TRIM62: variants seen among roughly 807,000 people sequenced by gnomAD.
TRIM62 encodes E3 ubiquitin-protein ligase TRIM62.
Under a neutral mutation model 44.2 loss-of-function variants are expected in TRIM62, and 39 were observed. The observed-to-expected ratio is 0.88, with a 90% CI of 0.68 to 1.15. The LOEUF (loss-of-function observed/expected upper bound fraction) is 1.15, where lower values mean the gene tolerates loss of function less well. Ranked by LOEUF, TRIM62 falls within the 50% of genes most tolerant of loss-of-function variation. The pLI is 0.00. For missense variants in TRIM62, 544 were observed against 665.5 expected, an observed-to-expected ratio of 0.82 and a Z score of 2.01; for synonymous variants, 278 against 292.3, an observed-to-expected ratio of 0.95 and a Z score of 0.50.
intron 4 of TRIM62, among the ~76,000 whole-genome samples, chr1:33,152,716 G>T (rs1645118739): frequency 6.6e-6 from 1 of 152,198 alleles, no homozygotes; most frequent in Admixed American, 6.5e-5. Context: ...TACCCTGGGA[G>T]AGAAATGCAA....
At chr1:33,156,228 TTTC>T (rs1645176942) in intron 4 of TRIM62, among the ~76,000 whole-genome samples, 1 of 152,196 alleles carries the variant, frequency 6.6e-6, no homozygotes, top group Admixed American at 6.5e-5. Flanking sequence ...ATATGCTGTA[TTTC>T]TTCTATCATA....
rs1375888825 is a variant in TRIM62 at position 33,181,253 on chromosome 1, G to T, written c.180C>A (p.Pro60=). 9.0e-6 allele frequency: 14 copies of T among 1,549,470 alleles called. No homozygotes were observed. The highest frequency in any genetic ancestry group is 1.1e-5 in the Non-Finnish European group (13 of 1,153,288). ...CPECRRTFAE[P]ALAPSLKLAN... is the part of the protein sequence containing the mutation. ...CCAGCTTGAGGCTGGGCGCCAGCGCGGGCTCGGCGAACGTGCGCCGGCACT... is the reference window on the plus strand; with the variant it reads ...CCAGCTTGAGGCTGGGCGCCAGCGCTGGCTCGGCGAACGTGCGCCGGCACT... Residue 60 remains proline (P), a synonymous_variant, in exon 1 of 5, where the codon CCC becomes CCA. Coordinates refer to ENST00000291416, the MANE Select transcript of TRIM62 (RefSeq NM_018207.3). The surrounding 1 kb of genome is among the most constrained non-coding windows in gnomAD (Gnocchi z 6.5).
chr1:33,169,236 C>T (rs79811906), intron 1 of TRIM62, among the ~76,000 whole-genome samples: 6,900 of 152,150 alleles, frequency 0.045, 260 homozygotes, highest in African/African-American at 0.1. Flanking sequence ...TGCTCCTCTC[C>T]CCATATTCCC....
chr1:33,181,423 T>A lies in TRIM62; in HGVS notation c.10A>T (p.Ser4Cys), dbSNP rs1298509989. MAC[S>C]LKDELLCSIC... ...GAGCACAGCAGCTCGTCCTTGAGGCTGCACGCCATGGCGCCAGGGGCAGCA... is the reference window on the plus strand; with the variant it reads ...GAGCACAGCAGCTCGTCCTTGAGGCAGCACGCCATGGCGCCAGGGGCAGCA... The change falls in exon 1 of 5, where the codon AGC (serine) becomes TGC (cysteine). Residue 4 changes from serine (S) to cysteine (C), a missense_variant. Physicochemically the swap from Ser to Cys is moderately radical, Grantham distance 112. Transcript: ENST00000291416. This position sits in a 1 kb window ranked among gnomAD's most constrained non-coding sequence, Gnocchi z 6.5. 6.3e-7 allele frequency: 1 copy of A among 1,596,186 alleles called. No individual in the cohort carries two copies. The highest frequency in any genetic ancestry group is 1.7e-5 in the Admixed American group (1 of 58,194).
chr1:33,176,122 C>G (rs781446035), intron 1 of TRIM62, among the ~76,000 whole-genome samples: 24 of 152,212 alleles, frequency 1.6e-4, no homozygotes, highest in Non-Finnish European at 2.8e-4. Context: ...GGAAAAGTAA[C>G]AGCAGAGCCA....
intron 3 of TRIM62, among the ~76,000 whole-genome samples, chr1:33,158,950 C>T (rs1645220946): frequency 6.6e-6 from 1 of 152,002 alleles, no homozygotes. Flanking sequence ...AAGCAATTCT[C>T]CTGCCTCAGC....
chr1:33,158,334 A>T lies in TRIM62; in HGVS notation c.796T>A (p.Tyr266Asn). Residue 266 changes from tyrosine (Y) to asparagine (N), a missense_variant, in exon 4 of 5, where the codon TAT (tyrosine) becomes AAT (asparagine). By Grantham distance (143) the Tyr-to-Asn change is moderately radical (BLOSUM62 -2). Coordinates refer to ENST00000291416, the MANE Select transcript of TRIM62 (RefSeq NM_018207.3). Reference protein sequence around the residue: ...KGKIHETNLTYEDFPTSKYTG... With the variant: ...KGKIHETNLTNEDFPTSKYTG... ...TACTTGGAGGTCGGGAAGTCTTCAT[A>T]TGTGAGGTTGGTCTCATGGATTTTT... The T allele has an allele frequency of 5.0e-6, 8 of 1,613,866 alleles. No homozygotes were observed. Among genetic ancestry groups the T allele is most frequent in the Non-Finnish European group, 6.8e-6 (8 of 1,179,854 alleles).
At chr1:33,150,854 G>A (rs1408194292) in intron 4 of TRIM62, among the ~76,000 whole-genome samples, 1 of 152,160 alleles carries the variant, frequency 6.6e-6, no homozygotes, top group Non-Finnish European at 1.5e-5. Flanking sequence ...ATCACACTCA[G>A]GTGTGACAGT....
intron 2 of TRIM62, chr1:33,163,335 G>A (rs1280647217): frequency 6.6e-6 from 1 of 151,616 alleles, no homozygotes; most frequent in Non-Finnish European, 1.5e-5. Flanking sequence ...CACTGTGCCT[G>A]GCCGATTTTT....
intron 4 of TRIM62, among the ~76,000 whole-genome samples, chr1:33,154,822 G>T (rs1229280084): frequency 6.7e-6 from 1 of 148,856 alleles, no homozygotes; most frequent in Non-Finnish European, 1.5e-5. Context: ...GGCCAGGCGC[G>T]GTGATTCACG....
intron 4 of TRIM62, among the ~76,000 whole-genome samples, chr1:33,156,812 C>T (rs976865474): frequency 6.6e-6 from 1 of 152,160 alleles, no homozygotes; most frequent in African/African-American, 2.4e-5. Context: ...TCCTTTTAGT[C>T]ACTTTGGCTG....
At position 33,181,337 on chromosome 1, in the gene TRIM62, G is replaced by C; in HGVS notation, c.96C>G (p.Arg32=). 6.3e-7 allele frequency: 1 copy of C among 1,581,654 alleles called. No homozygotes were observed. Among genetic ancestry groups the C allele is most frequent in the African/African-American group, 1.3e-5 (1 of 74,590 alleles). ...VSLGCEHYFC[R]RCITEHWVRQ... The stretch of plus-strand genomic sequence containing the variant: ...GCACCCAGTGCTCCGTGATGCAGCG[G>C]CGGCAGAAGTAATGCTCGCAGCCCA... Residue 32 remains arginine, a synonymous_variant, in exon 1 of 5, where the codon CGC becomes CGG. Coordinates refer to ENST00000291416, the MANE Select transcript of TRIM62 (RefSeq NM_018207.3). The surrounding 1 kb of genome is among the most constrained non-coding windows in gnomAD (Gnocchi z 6.5).
chr1:33,151,538 C>A (rs980167083), intron 4 of TRIM62, among the ~76,000 whole-genome samples: 4 of 152,160 alleles, frequency 2.6e-5, no homozygotes, highest in African/African-American at 7.2e-5. Context: ...ACCCCTTCCC[C>A]CTCTGAGAAG....
chr1:33,164,385 C>T (rs1645308604), intron 2 of TRIM62: 1 of 152,312 alleles, frequency 6.6e-6, no homozygotes, highest in South Asian at 2.1e-4. Context: ...TCACCCCAGG[C>T]CTCACGACAC....
intron 1 of TRIM62, among the ~76,000 whole-genome samples, chr1:33,178,751 A>G (rs680960): frequency 0.75 from 114,185 of 152,148 alleles, 42,859 homozygotes; most frequent in Admixed American, 0.78. Flanking sequence ...CCAACCCCAC[A>G]ACAGTGCACT....
In TRIM62 at chr1:33,178,717, A is replaced by G. The variant is rs150949556; in HGVS notation, c.408+2308T>C. On this transcript the variant is annotated intron_variant, in intron 1 of 4. Transcript: ENST00000291416. ...TCACCAAGGTGCACACAGTGCCCAC[A>G]GCAGGTTTGGAACCCAAGTATGTCC... Among the ~76,000 whole-genome samples, 153 of 152,390 alleles carry G rather than the reference A, an allele frequency of 1.0e-3. 2 individuals are homozygous for G. The East Asian group carries it at 0.026, about 26-fold the overall frequency.
At chr1:33,148,761 C>T (rs541347907) in intron 4 of TRIM62, among the ~76,000 whole-genome samples, 2 of 152,282 alleles carry the variant, frequency 1.3e-5, no homozygotes, top group African/African-American at 4.8e-5. Context: ...AGATATTACA[C>T]ATGATTTGTT....
rs573604326 is a variant in TRIM62, at chr1:33,147,887, C to T, written c.878-160G>A. 2.6e-5 allele frequency among the ~76,000 whole-genome samples: 4 copies of T among 152,294 alleles called. No homozygotes were observed. The highest frequency in any genetic ancestry group is 2.6e-4 in the Admixed American group (4 of 15,298). ...TCTGCCCTCTCTGGGCCTCATCTTC[C>T]TCCTCTGTAGAATGGAAGGGTGGTG... On this transcript the variant is annotated intron_variant, in intron 4 of 4. Transcript: ENST00000291416. This position sits in a 1 kb window ranked among gnomAD's most constrained non-coding sequence, Gnocchi z 8.1.
intron 1 of TRIM62, among the ~76,000 whole-genome samples, chr1:33,175,928 T>C (rs1210650187): frequency 6.6e-6 from 1 of 152,194 alleles, no homozygotes; most frequent in Non-Finnish European, 1.5e-5. Flanking sequence ...AATAAACATC[T>C]TGGGGTCCCC....
Sources: allele counts gnomAD v4.1 joint callset (sites outside exome capture counted in the v4.1 genomes callset), GRCh38; gene constraint gnomAD v4.1.1; non-coding constraint Gnocchi (gnomAD v3.1); transcripts MANE v1.5; gene names NCBI Gene and HGNC (gene_info 2026-07-23, HGNC 2026-07-21).